SHROOM3: variants seen among roughly 807,000 people sequenced by gnomAD.
SHROOM3 encodes shroom family member 3.
Under a neutral mutation model 138.6 loss-of-function variants are expected in SHROOM3, and 47 were observed. That is an observed-to-expected ratio of 0.34 (90% CI 0.27 to 0.43). The LOEUF is 0.43. SHROOM3 is among the 20% of genes least tolerant of loss of function. The pLI, the probability that SHROOM3 is intolerant of heterozygous loss-of-function variation, is 1.00. For missense variants in SHROOM3, 2,491 were observed against 2,596.5 expected (o/e 0.96, Z 0.88); for synonymous variants, 1,062 against 1,063.3 (o/e 1.00, Z 0.02).
intron 1 of SHROOM3, among the ~76,000 whole-genome samples, chr4:76,484,331 A>G (rs1286496379): frequency 5.3e-5 from 8 of 151,926 alleles, no homozygotes; most frequent in Admixed American, 5.3e-4. Context: ...CCGCACTTTG[A>G]GAGGCTGAGG....
At chr4:76,643,125 A>C (rs1735719045) in intron 2 of SHROOM3, among the ~76,000 whole-genome samples, 1 of 151,414 alleles carries the variant, frequency 6.6e-6, no homozygotes, top group Non-Finnish European at 1.5e-5. Flanking sequence ...GAGGCAGGAG[A>C]ATTGCTTGAA....
rs556405799 is a variant in SHROOM3 at position 76,521,971 on chromosome 4, T to C, written c.169-33638T>C. ...TCTTGTGGTTCCTGCCAAACATGCT[T>C]AACCTCAATCTAATCGTGAGGAAAC... On this transcript the variant is annotated intron_variant, in intron 1 of 10. Coordinates refer to ENST00000296043, the MANE Select transcript of SHROOM3 (RefSeq NM_020859.4). Among the ~76,000 whole-genome samples the C allele has an allele frequency of 1.4e-4, 21 of 152,256 alleles. No homozygotes were observed. In the South Asian group the frequency reaches 4.1e-3, roughly 30 times the overall value.
chr4:76,436,797 A>T (rs1326099886), intron 1 of SHROOM3, among the ~76,000 whole-genome samples: 1 of 152,240 alleles, frequency 6.6e-6, no homozygotes, highest in Non-Finnish European at 1.5e-5. Flanking sequence ...GTCATCCTGC[A>T]GCATACCTCA....
intron 10 of SHROOM3, among the ~76,000 whole-genome samples, chr4:76,777,344 AT>A (rs1489599571): frequency 6.6e-6 from 1 of 151,956 alleles, no homozygotes; most frequent in South Asian, 2.1e-4. Flanking sequence ...TAAGTATTTT[AT>A]TTTTTTGCAG....
chr4:76,627,365 C>T (rs928928105), intron 2 of SHROOM3, among the ~76,000 whole-genome samples: 23 of 152,138 alleles, frequency 1.5e-4, no homozygotes, highest in African/African-American at 5.6e-4. Context: ...ACCCAACAGC[C>T]ATGTCTTTAG....
chr4:76,661,453 A>T (rs1736184728), intron 2 of SHROOM3, among the ~76,000 whole-genome samples: 1 of 151,760 alleles, frequency 6.6e-6, no homozygotes, highest in Admixed American at 6.6e-5. Flanking sequence ...GATGGTCTCG[A>T]TCTCCTGACC....
intron 10 of SHROOM3, among the ~76,000 whole-genome samples, chr4:76,774,255 C>T (rs945114396): frequency 3.9e-5 from 6 of 152,000 alleles, no homozygotes; most frequent in Admixed American, 1.3e-4. Context: ...GTTTTAGAAC[C>T]GAATTAAATT....
intron 1 of SHROOM3, among the ~76,000 whole-genome samples, chr4:76,443,053 A>G (rs984791382): frequency 6.6e-6 from 1 of 152,226 alleles, no homozygotes; most frequent in Non-Finnish European, 1.5e-5. Flanking sequence ...TCATATGCAC[A>G]TATGTAATGT....
Position 76,729,839 on chromosome 4 carries a change from G to GAGAT in SHROOM3, c.456-962_456-959dup, listed in dbSNP as rs553244309. On this transcript the variant is annotated intron_variant, in intron 3 of 10. Transcript: ENST00000296043. ...AACTAATTTATTTTTTCACAGAAAA[G>GAGAT]AGATAGGTGCATTTTTAGCTACAAG... Among the ~76,000 whole-genome samples, 36 of 152,310 alleles carry GAGAT rather than the reference G, an allele frequency of 2.4e-4. No homozygotes were observed. The South Asian group carries it at 5.6e-3, about 24-fold the overall frequency.
At chr4:76,619,725 T>C (rs1011835670) in intron 2 of SHROOM3, among the ~76,000 whole-genome samples, 3 of 152,070 alleles carry the variant, frequency 2.0e-5, no homozygotes, top group Non-Finnish European at 4.4e-5. Context: ...TGTAGTAGAA[T>C]GAAGTAGAGG....
rs1577960538 is a variant in SHROOM3 at position 76,664,929 on chromosome 4, T to C, written c.324-45227T>C. On this transcript the variant is annotated intron_variant, in intron 2 of 10. Transcript: ENST00000296043. This position sits in a 1 kb window ranked among gnomAD's most constrained non-coding sequence, Gnocchi z 4.2. ...ACTTTGGTAGGCCGAGGTGGGCAGATCACTTGAGCCCAGGAGTTTGAGACC... is the reference window on the plus strand; with the variant it reads ...ACTTTGGTAGGCCGAGGTGGGCAGACCACTTGAGCCCAGGAGTTTGAGACC... Among the ~76,000 whole-genome samples, 1 of 152,190 alleles carries C rather than the reference T, an allele frequency of 6.6e-6. No individual in the cohort carries two copies. The highest frequency in any genetic ancestry group is 2.1e-4 in the South Asian group (1 of 4,818).
At chr4:76,444,321 G>A (rs983212040) in intron 1 of SHROOM3, among the ~76,000 whole-genome samples, 1 of 150,472 alleles carries the variant, frequency 6.6e-6, no homozygotes, top group African/African-American at 2.4e-5. Flanking sequence ...CATTTTAAGT[G>A]AGGTTTTCCA....
At chr4:76,462,864 G>A (rs967785134) in intron 1 of SHROOM3, among the ~76,000 whole-genome samples, 4 of 152,182 alleles carry the variant, frequency 2.6e-5, no homozygotes, top group African/African-American at 9.6e-5. Flanking sequence ...TGCTTCCCAT[G>A]TAGCCTGTGG....
At chr4:76,763,525 A>G (rs929263656) in intron 9 of SHROOM3, among the ~76,000 whole-genome samples, 1 of 152,176 alleles carries the variant, frequency 6.6e-6, no homozygotes. Flanking sequence ...AGATCGTGCC[A>G]CTCCAATCCA....
At chr4:76,654,821 C>A (rs1736033002) in intron 2 of SHROOM3, among the ~76,000 whole-genome samples, 1 of 152,072 alleles carries the variant, frequency 6.6e-6, no homozygotes, top group Admixed American at 6.6e-5. Context: ...TTGTATTATG[C>A]TATTATATTA....
chr4:76,741,757 GAAC>G lies in SHROOM3; in HGVS notation c.3587_3589del (p.Thr1196del). On this transcript the variant is annotated inframe_deletion, in exon 5 of 11. Coordinates refer to ENST00000296043, the MANE Select transcript of SHROOM3 (RefSeq NM_020859.4). The surrounding 1 kb of genome is among the most constrained non-coding windows in gnomAD (Gnocchi z 6.2). ...GACCTGCTTAGCGGAGCAAACGGTG[GAAC>G]AAGGGGCACCCAGAGAGGGGATGAG... The G allele has an allele frequency of 6.4e-7, 1 of 1,566,598 alleles. No homozygotes were observed.
intron 2 of SHROOM3, among the ~76,000 whole-genome samples, chr4:76,615,281 C>T (rs1197440967): frequency 7.9e-5 from 12 of 152,188 alleles, no homozygotes; most frequent in Admixed American, 2.6e-4. Flanking sequence ...TTGATATCAA[C>T]GCTCTCAAGT....
chr4:76,719,710 CCT>C (rs550642110), intron 3 of SHROOM3, among the ~76,000 whole-genome samples: 96 of 152,274 alleles, frequency 6.3e-4, no homozygotes, highest in African/African-American at 2.2e-3. Context: ...GAAAAACACC[CCT>C]GTTGCTAGTC....
intron 1 of SHROOM3, among the ~76,000 whole-genome samples, chr4:76,546,907 G>C (rs2110023906): frequency 6.6e-6 from 1 of 152,274 alleles, no homozygotes; most frequent in Middle Eastern, 3.4e-3. Flanking sequence ...TAAAAAGTTG[G>C]CTAAATTCTG....
Sources: allele counts gnomAD v4.1 joint callset (sites outside exome capture counted in the v4.1 genomes callset), GRCh38; gene constraint gnomAD v4.1.1; non-coding constraint Gnocchi (gnomAD v3.1); transcripts MANE v1.5; gene names NCBI Gene and HGNC (gene_info 2026-07-23, HGNC 2026-07-21).